CEP126: variants seen among roughly 807,000 people sequenced by gnomAD.
The protein encoded by CEP126 is centrosomal protein of 126 kDa.
In CEP126, 74 loss-of-function variants were observed where a neutral mutation model predicts 107.8. The observed-to-expected ratio is 0.69, with a 90% CI of 0.57 to 0.83. The LOEUF is 0.83. Ranked by LOEUF, CEP126 falls within the 40% of genes least tolerant of loss-of-function variation. The probability of loss-of-function intolerance (pLI) is 0.00; values close to 1 mark genes in which losing one functional copy is unlikely to be tolerated. For synonymous variants in CEP126, 449 were observed against 446.0 expected (o/e 1.01, Z -0.08); for missense variants, 1,237 against 1,281.9 (o/e 0.96, Z 0.53).
At chr11:101,987,919 C>T (rs1331340662) in intron 9 of CEP126, among the ~76,000 whole-genome samples, 1 of 151,392 alleles carries the variant, frequency 6.6e-6, no homozygotes, top group Non-Finnish European at 1.5e-5. Context: ...TTCCAGTCCT[C>T]AAAGAATTAT....
rs145886481 is a variant in CEP126 at position 101,944,282 on chromosome 11, G to A, written c.266G>A (p.Arg89Gln). The stretch of plus-strand genomic sequence containing the variant: ...AAATATAGAGCTTTTGAGGAGAAAC[G>A]AAAAGAACAGGAAGAAAAAGAACAC... ...NRRKKAFEEKRKEQEEKEHQI... is the reference protein window; with the variant it reads ...NRRKKAFEEKQKEQEEKEHQI... Residue 89 changes from arginine (R) to glutamine (Q), a missense_variant, in exon 3 of 11, where the codon CGA becomes CAA. Around this residue, in one of 3 missense-constraint regions of CEP126, gnomAD observed 1,134 missense variants for 1,150.5 expected, o/e 0.99. Coordinates refer to ENST00000263468, the MANE Select transcript of CEP126 (RefSeq NM_020802.4). 23 of 1,592,348 alleles carry A rather than the reference G, an allele frequency of 1.4e-5. No homozygotes were observed. The highest frequency in any genetic ancestry group is 9.6e-5 in the African/African-American group (7 of 73,270).
rs1427092364 is a variant in CEP126 at position 101,999,248 on chromosome 11, G to A, written c.*1605G>A. ...ATGGGGGTAAACAGGCCAGAAGAGT[G>A]TGCCAAGTTGTTTGTGAATCATTCC... is the stretch of plus-strand genomic sequence containing the variant. On this transcript the variant is annotated 3_prime_UTR_variant, in exon 11 of 11. Transcript: ENST00000263468. The A allele has an allele frequency of 6.6e-6, 1 of 151,380 alleles. No individual in the cohort carries two copies. Among genetic ancestry groups the A allele is most frequent in the Non-Finnish European group, 1.5e-5 (1 of 67,944 alleles). 9.4% of individuals were successfully genotyped at this position (151,380 alleles called of 1,614,324 possible).
chr11:101,983,316 G>A (rs1233732581), intron 8 of CEP126, among the ~76,000 whole-genome samples: 2 of 152,172 alleles, frequency 1.3e-5, no homozygotes, highest in African/African-American at 4.8e-5. Flanking sequence ...CACAATATAT[G>A]ACCTGAAGAA....
In CEP126 at chr11:101,915,385, G is replaced by A; in HGVS notation, c.101G>A (p.Gly34Asp). ...DRAPLGPRES[G>D]GHHRPGSYLD... ...GCCCCCCTCGGCCCTCGGGAGAGCG[G>A]CGGGCATCACCGACCTGGCTCTTAC... The change falls in exon 1 of 11, where the codon GGC becomes GAC. Residue 34 changes from glycine to aspartate, a missense_variant. Around this residue, in one of 3 missense-constraint regions of CEP126, gnomAD observed 1,134 missense variants for 1,150.5 expected, o/e 0.99. Coordinates refer to ENST00000263468, the MANE Select transcript of CEP126 (RefSeq NM_020802.4). 1 of 1,613,586 alleles carries A rather than the reference G, an allele frequency of 6.2e-7. No homozygotes were observed. The highest frequency in any genetic ancestry group is 8.5e-7 in the Non-Finnish European group (1 of 1,179,880).
chr11:101,962,837 T>G lies in CEP126; in HGVS notation c.1802T>G (p.Phe601Cys), dbSNP rs376223628. ...TTAATTATAAATCAGAGCTTTAAGT[T>G]TGGAAATCAAAAAGCAGCAGCTATC... Reference protein sequence around the residue: ...KALIINQSFKFGNQKAAAIRD... With the variant: ...KALIINQSFKCGNQKAAAIRD... The change falls in exon 6 of 11, where the codon TTT (phenylalanine) becomes TGT (cysteine). Residue 601 changes from phenylalanine (F) to cysteine (C), a missense_variant. Phe to Cys is a radical substitution (Grantham distance 205, BLOSUM62 -2). Coordinates refer to ENST00000263468, the MANE Select transcript of CEP126 (RefSeq NM_020802.4). 5 of 1,603,150 alleles carry G rather than the reference T, an allele frequency of 3.1e-6. No individual in the cohort carries two copies. Among genetic ancestry groups the G allele is most frequent in the Non-Finnish European group, 3.4e-6 (4 of 1,177,404 alleles).
At chr11:101,994,000 G>A (rs780836058) in intron 10 of CEP126, among the ~76,000 whole-genome samples, 1 of 152,274 alleles carries the variant, frequency 6.6e-6, no homozygotes, top group South Asian at 2.1e-4. Context: ...TTGGGAGGCC[G>A]AGGCTGGCTG....
intron 2 of CEP126, among the ~76,000 whole-genome samples, chr11:101,935,523 G>T (rs1189160354): frequency 6.6e-6 from 1 of 152,026 alleles, no homozygotes; most frequent in Non-Finnish European, 1.5e-5. Context: ...TGATATAAGG[G>T]TTGAGTGGTT....
chr11:101,977,418 G>A (rs1182535768), intron 6 of CEP126, among the ~76,000 whole-genome samples: 2 of 151,880 alleles, frequency 1.3e-5, no homozygotes, highest in Non-Finnish European at 2.9e-5. Flanking sequence ...AGATCACAAG[G>A]TCAAGAGATC....
intron 2 of CEP126, among the ~76,000 whole-genome samples, chr11:101,930,128 CTCT>C (rs1940472745): frequency 6.6e-6 from 1 of 151,962 alleles, no homozygotes; most frequent in Admixed American, 6.6e-5. Flanking sequence ...TGCTGACCTC[CTCT>C]TCTTCACTTC....
intron 3 of CEP126, 46 bp downstream of exon 3, chr11:101,944,456 C>A: frequency 6.5e-7 from 1 of 1,532,244 alleles, no homozygotes; most frequent in Non-Finnish European, 8.8e-7. Flanking sequence ...GTTTTAATCT[C>A]ATTTGACTTG....
At chr11:101,951,059 A>G (rs1032813061) in intron 4 of CEP126, among the ~76,000 whole-genome samples, 1 of 152,232 alleles carries the variant, frequency 6.6e-6, no homozygotes, top group Non-Finnish European at 1.5e-5. Flanking sequence ...ACTATTTTGT[A>G]TAGTGAAGAA....
At chr11:101,921,793 T>TC (rs1940332299) in intron 1 of CEP126, among the ~76,000 whole-genome samples, 2 of 136,262 alleles carry the variant, frequency 1.5e-5, no homozygotes, top group African/African-American at 2.7e-5. Flanking sequence ...TTTTTTTTTT[T>TC]TTTTTTTTTG....
intron 4 of CEP126, among the ~76,000 whole-genome samples, chr11:101,949,181 A>G (rs1022699486): frequency 1.3e-5 from 2 of 152,244 alleles, no homozygotes; most frequent in African/African-American, 2.4e-5. Context: ...GTATGTGTAC[A>G]TCATAGAATG....
intron 7 of CEP126, among the ~76,000 whole-genome samples, chr11:101,979,583 G>A (rs1034083894): frequency 6.6e-6 from 1 of 151,878 alleles, no homozygotes; most frequent in Non-Finnish European, 1.5e-5. Flanking sequence ...CCTCGTCTCT[G>A]CAAAAATAAA....
intron 2 of CEP126, among the ~76,000 whole-genome samples, chr11:101,933,826 C>A (rs1319704476): frequency 7.3e-6 from 1 of 137,924 alleles, no homozygotes; most frequent in African/African-American, 2.7e-5. Context: ...CCCCCCCCCA[C>A]CAAAACAATT....
intron 9 of CEP126, among the ~76,000 whole-genome samples, chr11:101,989,018 G>A (rs955874855): frequency 1.4e-4 from 22 of 151,984 alleles, no homozygotes; most frequent in African/African-American, 4.8e-4. Flanking sequence ...AAAGGGGCAC[G>A]TTCTTTGTAA....
intron 7 of CEP126, 50 bp from the exon 8 acceptor site, chr11:101,981,838 AT>A: frequency 9.1e-7 from 1 of 1,103,942 alleles, no homozygotes; most frequent in Non-Finnish European, 1.3e-6. Flanking sequence ...TGTACATATT[AT>A]GAATTTTAAA....
intron 2 of CEP126, among the ~76,000 whole-genome samples, chr11:101,942,707 G>A (rs1481153075): frequency 6.6e-6 from 1 of 151,780 alleles, no homozygotes; most frequent in Non-Finnish European, 1.5e-5. Context: ...AGGTAGCTTT[G>A]AGTAGTGTTG....
chr11:101,984,259 G>A (rs1941290073), intron 8 of CEP126, among the ~76,000 whole-genome samples: 1 of 152,150 alleles, frequency 6.6e-6, no homozygotes, highest in African/African-American at 2.4e-5. Context: ...CAAACACTTG[G>A]AACACAGGGA....
Sources: allele counts gnomAD v4.1 joint callset (sites outside exome capture counted in the v4.1 genomes callset), GRCh38; gene constraint gnomAD v4.1.1; regional missense constraint gnomAD v4.1.1; transcripts MANE v1.5; gene names NCBI Gene and HGNC (gene_info 2026-07-23, HGNC 2026-07-21).